The following ADGRL3 variants were observed in gnomAD, a reference collection of about 807,000 sequenced individuals.
ADGRL3 encodes calcium-independent alpha-latrotoxin receptor 3.
Under a neutral mutation model 153.5 loss-of-function variants are expected in ADGRL3, and 62 were observed. That is an observed-to-expected ratio of 0.40 (90% CI 0.33 to 0.50). The LOEUF (loss-of-function observed/expected upper bound fraction) is 0.50, where lower values mean the gene tolerates loss of function less well. ADGRL3 is among the 20% of genes least tolerant of loss of function. The probability of loss-of-function intolerance (pLI) is 0.47; values close to 1 mark genes in which losing one functional copy is unlikely to be tolerated. For synonymous variants in ADGRL3, 710 were observed against 672.5 expected (o/e 1.06, Z -0.86); for missense variants, 1,641 against 1,859.4 (o/e 0.88, Z 2.16).
At chr4:61,357,479 C>T (rs2096197188) in intron 1 of ADGRL3, among the ~76,000 whole-genome samples, 1 of 152,018 alleles carries the variant, frequency 6.6e-6, no homozygotes, top group South Asian at 2.1e-4. Flanking sequence ...AATCCTAAAA[C>T]TATTTAATGT....
At position 61,210,961 on chromosome 4, in the gene ADGRL3, A is replaced by G. The variant is rs560435334; in HGVS notation, c.-240+9196A>G. ...AGGCAGCCATTTAAAAAAATTATAT[A>G]CAATCATCTTTTGAGGTTTAGGCAA... On this transcript the variant is annotated intron_variant, in intron 1 of 26. Coordinates refer to ENST00000683033, the MANE Select transcript of ADGRL3 (RefSeq NM_001387552.1). Among the ~76,000 whole-genome samples the G allele has an allele frequency of 7.9e-5, 12 of 152,322 alleles. No individual in the cohort carries two copies. In the South Asian group the frequency reaches 1.9e-3, roughly 24 times the overall value.
chr4:61,465,842 C>G (rs941263885), intron 2 of ADGRL3, among the ~76,000 whole-genome samples: 2 of 149,702 alleles, frequency 1.3e-5, no homozygotes, highest in Non-Finnish European at 3.0e-5. Context: ...CAACTCATGG[C>G]TGGGCGCAGT....
intron 2 of ADGRL3, among the ~76,000 whole-genome samples, chr4:61,389,248 T>A (rs1418253521): frequency 6.6e-6 from 1 of 152,090 alleles, no homozygotes; most frequent in East Asian, 1.9e-4. Flanking sequence ...AGTAACACAT[T>A]TAAGATTATT....
At chr4:61,649,572 TTTG>T (rs2094171783) in intron 5 of ADGRL3, among the ~76,000 whole-genome samples, 1 of 152,124 alleles carries the variant, frequency 6.6e-6, no homozygotes, top group African/African-American at 2.4e-5. Context: ...TTGTCTTTAT[TTTG>T]CTAATTGATA....
chr4:61,289,400 A>T (rs1229690617), intron 1 of ADGRL3, among the ~76,000 whole-genome samples: 1 of 152,084 alleles, frequency 6.6e-6, no homozygotes, highest in Non-Finnish European at 1.5e-5. Flanking sequence ...ATAAATAATT[A>T]TGACATGAAT....
chr4:61,295,407 G>A (rs2094375914), intron 1 of ADGRL3, among the ~76,000 whole-genome samples: 1 of 151,992 alleles, frequency 6.6e-6, no homozygotes, highest in African/African-American at 2.4e-5. Flanking sequence ...GGTATATATA[G>A]GATTCAATTC....
At chr4:62,039,657 A>T (rs1269618377) in intron 24 of ADGRL3, among the ~76,000 whole-genome samples, 1 of 152,158 alleles carries the variant, frequency 6.6e-6, no homozygotes, top group Non-Finnish European at 1.5e-5. Flanking sequence ...CAGAGATCTG[A>T]ATTTTCACAT....
intron 3 of ADGRL3, among the ~76,000 whole-genome samples, chr4:61,516,122 T>A (rs975485153): frequency 2.0e-5 from 3 of 152,138 alleles, no homozygotes; most frequent in African/African-American, 7.2e-5. Flanking sequence ...ACATATTTCT[T>A]AATATGATTT....
At chr4:61,776,018 G>T (rs1426878237) in intron 8 of ADGRL3, among the ~76,000 whole-genome samples, 1 of 151,656 alleles carries the variant, frequency 6.6e-6, no homozygotes, top group East Asian at 1.9e-4. Context: ...CTCCTGTCTC[G>T]GCCTCCCGAG....
At chr4:61,325,176 G>T (rs2095439865) in intron 1 of ADGRL3, among the ~76,000 whole-genome samples, 1 of 152,054 alleles carries the variant, frequency 6.6e-6, no homozygotes, top group Non-Finnish European at 1.5e-5. Flanking sequence ...GCTGGGCGTG[G>T]TGGCATGTGC....
At chr4:61,994,729 T>C (rs2151020334) in intron 19 of ADGRL3, among the ~76,000 whole-genome samples, 1 of 152,230 alleles carries the variant, frequency 6.6e-6, no homozygotes, top group South Asian at 2.1e-4. Context: ...AGGCAACCAC[T>C]AACATGAGTT....
intron 1 of ADGRL3, among the ~76,000 whole-genome samples, chr4:61,241,745 C>T (rs1755059160): frequency 6.6e-6 from 1 of 151,992 alleles, no homozygotes; most frequent in African/African-American, 2.4e-5. Context: ...GAAATACATT[C>T]AGACACCACT....
chr4:61,326,181 T>C (rs1289923840), intron 1 of ADGRL3, among the ~76,000 whole-genome samples: 1 of 152,152 alleles, frequency 6.6e-6, no homozygotes, highest in African/African-American at 2.4e-5. Context: ...CTTAAATGTA[T>C]ACATGCTTTC....
intron 17 of ADGRL3, among the ~76,000 whole-genome samples, chr4:61,976,961 G>T (rs1458431635): frequency 6.6e-6 from 1 of 152,110 alleles, no homozygotes; most frequent in African/African-American, 2.4e-5. Flanking sequence ...GGACATATAG[G>T]TGGTTGGTGT....
At chr4:61,448,821 A>G (rs1253208965) in intron 2 of ADGRL3, among the ~76,000 whole-genome samples, 8 of 74,728 alleles carry the variant, frequency 1.1e-4, no homozygotes, top group African/African-American at 3.7e-4. Context: ...GGAAGGAAGG[A>G]AGGAAGAAGG....
intron 2 of ADGRL3, among the ~76,000 whole-genome samples, chr4:61,460,616 G>T (rs1183946549): frequency 6.6e-6 from 1 of 152,048 alleles, no homozygotes; most frequent in African/African-American, 2.4e-5. Context: ...ACATACCCGA[G>T]ACTGGGTAAT....
chr4:61,424,763 A>C (rs2097256102), intron 2 of ADGRL3, among the ~76,000 whole-genome samples: 1 of 152,088 alleles, frequency 6.6e-6, no homozygotes, highest in South Asian at 2.1e-4. Flanking sequence ...ACTTGGGTGT[A>C]ATTCAGGGGC....
At chr4:61,286,091 A>C (rs189072808) in intron 1 of ADGRL3, among the ~76,000 whole-genome samples, 1 of 151,740 alleles carries the variant, frequency 6.6e-6, no homozygotes, top group Admixed American at 6.6e-5. Context: ...GATCTTAAAT[A>C]TATTAAAATA....
intron 15 of ADGRL3, among the ~76,000 whole-genome samples, chr4:61,945,777 C>T (rs1216141276): frequency 6.6e-6 from 1 of 151,790 alleles, no homozygotes; most frequent in African/African-American, 2.4e-5. Context: ...TGAGGCAATG[C>T]CTCGCCCTGC....
Sources: gnomAD v4.1 joint callset for allele counts (sites outside exome capture counted in the v4.1 genomes callset) on GRCh38, gnomAD v4.1.1 for gene constraint, MANE v1.5 for transcripts, NCBI Gene and HGNC (gene_info 2026-07-23, HGNC 2026-07-21) for gene names.